Variants in PITPNM2 observed in about 807,000 individuals in gnomAD.
PITPNM2 encodes phosphatidylinositol transfer protein membrane associated 2, also known as membrane-associated phosphatidylinositol transfer protein 2.
In PITPNM2, 35 loss-of-function variants were observed where a neutral mutation model predicts 132.2. That is an observed-to-expected ratio of 0.26 (90% CI 0.20 to 0.35). PITPNM2 has a LOEUF of 0.35. Ranked by LOEUF, PITPNM2 falls within the 10% of genes least tolerant of loss-of-function variation. The pLI, the probability that PITPNM2 is intolerant of heterozygous loss-of-function variation, is 1.00. For missense variants in PITPNM2, 1,332 were observed against 1,912.0 expected (o/e 0.70, Z 5.66); for synonymous variants, 738 against 799.2 (o/e 0.92, Z 1.29).
chr12:123,145,290 A>C (rs571232068), intron 1 of PITPNM2, among the ~76,000 whole-genome samples: 1 of 152,106 alleles, frequency 6.6e-6, no homozygotes, highest in Non-Finnish European at 1.5e-5. Context: ...TCCACCCTAC[A>C]TTCATGTGCT....
Position 122,993,473 on chromosome 12 carries a change from T to G in PITPNM2, c.2234-804A>C, listed in dbSNP as rs1337524346. ...GCTATGCCTTCTGAACTTTGCCTTT[T>G]CCTCCCATTTAACACAAAAAATGTT... On this transcript the variant is annotated intron_variant, in intron 15 of 25. Coordinates refer to ENST00000320201, the MANE Select transcript of PITPNM2 (RefSeq NM_020845.3). This position sits in a 1 kb window ranked among gnomAD's most constrained non-coding sequence, Gnocchi z 5.2. 6.6e-6 allele frequency among the ~76,000 whole-genome samples: 1 copy of G among 152,250 alleles called. No individual in the cohort carries two copies. The highest frequency in any genetic ancestry group is 1.5e-5 in the Non-Finnish European group (1 of 68,046).
At chr12:123,124,027 G>A (rs967693147) in intron 1 of PITPNM2, among the ~76,000 whole-genome samples, 3 of 152,044 alleles carry the variant, frequency 2.0e-5, no homozygotes, top group South Asian at 2.1e-4. Context: ...AGGCCGACGC[G>A]GGCAGATCAT....
At chr12:123,128,445 TA>T (rs76741325) in intron 1 of PITPNM2, among the ~76,000 whole-genome samples, 872 of 71,558 alleles carry the variant, frequency 0.012, 3 homozygotes, top group Middle Eastern at 0.042. Flanking sequence ...CGTCTCAAGT[TA>T]AAAAAAAAAA....
chr12:122,986,535 G>T lies in PITPNM2; in HGVS notation c.3627C>A (p.Gly1209=). Reference sequence around the variant, plus strand: ...TGTACACCGCCACGTCCTTGGTGGAGCCATAGGCCGCGTGCACGCGCAGGT... The same window carrying T: ...TGTACACCGCCACGTCCTTGGTGGATCCATAGGCCGCGTGCACGCGCAGGT... ...ELHLRVHAAY[G]STKDVAVYSA... Residue 1209 remains glycine (G), a synonymous_variant, in exon 25 of 26, where the codon GGC becomes GGA. Coordinates refer to ENST00000320201, the MANE Select transcript of PITPNM2 (RefSeq NM_020845.3). 1 of 1,598,930 alleles carries T rather than the reference G, an allele frequency of 6.3e-7. No homozygotes were observed. The highest frequency in any genetic ancestry group is 1.3e-5 in the African/African-American group (1 of 74,828).
At position 123,008,296 on chromosome 12, in the gene PITPNM2, AGCT is replaced by A. The variant is rs2039027373; in HGVS notation, c.643+1551_643+1553del. Among the ~76,000 whole-genome samples, 1 of 152,186 alleles carries A rather than the reference AGCT, an allele frequency of 6.6e-6. No individual in the cohort carries two copies. The highest frequency in any genetic ancestry group is 2.4e-5 in the African/African-American group (1 of 41,434). On this transcript the variant is annotated intron_variant, in intron 6 of 25. Coordinates refer to ENST00000320201, the MANE Select transcript of PITPNM2 (RefSeq NM_020845.3). The surrounding 1 kb of genome is among the most constrained non-coding windows in gnomAD (Gnocchi z 4.1). Reference sequence around the variant, plus strand: ...AGACCCACAGAGCCAGAGTGCCAGGAGCTGCAGCCTTAGTAGGTCTGCTGGGTG... The same window carrying A: ...AGACCCACAGAGCCAGAGTGCCAGGAGCAGCCTTAGTAGGTCTGCTGGGTG...
In PITPNM2 at chr12:123,114,011, C is replaced by T. The variant is rs1252259176; in HGVS notation, c.-199-3523G>A. On this transcript the variant is annotated intron_variant, in intron 1 of 25. Transcript: ENST00000320201. ...TTTCTGAGGTTCACCAATGTTATAG[C>T]ATTTGTGTCGGTATTTCATTTCTTG... Among the ~76,000 whole-genome samples the T allele has an allele frequency of 7.9e-5, 12 of 152,188 alleles. No homozygotes were observed. In the East Asian group the frequency reaches 2.1e-3, roughly 27 times the overall value.
At chr12:123,139,462 C>T (rs71456786) in intron 1 of PITPNM2, among the ~76,000 whole-genome samples, 2,825 of 151,310 alleles carry the variant, frequency 0.019, 46 homozygotes, top group Middle Eastern at 0.031. Flanking sequence ...GATCGTGCCA[C>T]TGCACTCCAG....
rs2039314638 is a variant in PITPNM2, at chr12:123,013,968, G to A, written c.153C>T (p.Gly51=). ...GTGTGTACTGCCCAGAGCCGCCTGG[G>A]CCATCTGTGTACGGCCGGTTCTCCA... The part of the protein sequence containing the change: ...EILENRPYTD[G]PGGSGQYTHK... The change falls in exon 4 of 26, where the codon GGC becomes GGT. Residue 51 remains glycine, a synonymous_variant. Coordinates refer to ENST00000320201, the MANE Select transcript of PITPNM2 (RefSeq NM_020845.3). 3 of 1,614,160 alleles carry A rather than the reference G, an allele frequency of 1.9e-6. No homozygotes were observed. The highest frequency in any genetic ancestry group is 1.7e-5 in the Admixed American group (1 of 60,012).
chr12:123,093,403 T>C (rs2042321095), intron 2 of PITPNM2, among the ~76,000 whole-genome samples: 1 of 152,230 alleles, frequency 6.6e-6, no homozygotes, highest in African/African-American at 2.4e-5. Flanking sequence ...TTGTACACTT[T>C]CAATGGGTGA....
At chr12:123,118,171 T>C (rs868334825) in intron 1 of PITPNM2, among the ~76,000 whole-genome samples, 10 of 152,244 alleles carry the variant, frequency 6.6e-5, no homozygotes, top group South Asian at 4.1e-4. Context: ...ACCAAATTGA[T>C]ACTAATTGTC....
At chr12:123,125,864 G>GTTTTTTTTTTTTTTT (rs373787897) in intron 1 of PITPNM2, among the ~76,000 whole-genome samples, 3 of 64,844 alleles carry the variant, frequency 4.6e-5, no homozygotes, top group Non-Finnish European at 5.4e-5. Flanking sequence ...AAAAATTAGG[G>GTTTTTTTTTTTTTTT]TTTTTTTTTT....
In PITPNM2 at chr12:123,074,517, C is replaced by T. The variant is rs1463271539; in HGVS notation, c.-96+35868G>A. On this transcript the variant is annotated intron_variant, in intron 2 of 25. Transcript: ENST00000320201. The stretch of plus-strand genomic sequence containing the variant: ...ATATAAATACACACATGTCCATATG[C>T]ACACAACACACACTCACATATACAC... Among the ~76,000 whole-genome samples, 7 of 151,884 alleles carry T rather than the reference C, an allele frequency of 4.6e-5. No individual in the cohort carries two copies. The East Asian group carries it at 1.3e-3, about 29-fold the overall frequency.
At chr12:123,098,195 G>A (rs1235758552) in intron 2 of PITPNM2, among the ~76,000 whole-genome samples, 1 of 152,214 alleles carries the variant, frequency 6.6e-6, no homozygotes, top group Non-Finnish European at 1.5e-5. Flanking sequence ...TGTCCTCTGG[G>A]ATGAGCGCTG....
chr12:123,063,371 A>G, intron 2 of PITPNM2, among the ~76,000 whole-genome samples: 1 of 152,242 alleles, frequency 6.6e-6, no homozygotes, highest in East Asian at 1.9e-4. Context: ...CTTCACCTGC[A>G]AAGTCTGAGT....
At chr12:123,110,058 A>G (rs1423102871) in intron 2 of PITPNM2, among the ~76,000 whole-genome samples, 1 of 152,136 alleles carries the variant, frequency 6.6e-6, no homozygotes, top group Non-Finnish European at 1.5e-5. Context: ...CCTGGGCTCA[A>G]GTGATCGTCC....
At chr12:123,015,795 C>T (rs1397124948) in intron 3 of PITPNM2, among the ~76,000 whole-genome samples, 1 of 152,066 alleles carries the variant, frequency 6.6e-6, no homozygotes, top group East Asian at 1.9e-4. Context: ...TCAAAGAGCA[C>T]TATGAAGAGA....
At position 123,097,314 on chromosome 12, in the gene PITPNM2, A is replaced by C. The variant is rs2042436604; in HGVS notation, c.-96+13071T>G. 6.6e-6 allele frequency among the ~76,000 whole-genome samples: 1 copy of C among 152,150 alleles called. No individual in the cohort carries two copies. ...TGCCTTGGCCTCCCAAAGTGCTGGG[A>C]TTACAGGCATGAGCCACCGCGCCCG... On this transcript the variant is annotated intron_variant, in intron 2 of 25. Coordinates refer to ENST00000320201, the MANE Select transcript of PITPNM2 (RefSeq NM_020845.3). This position sits in a 1 kb window ranked among gnomAD's most constrained non-coding sequence, Gnocchi z 4.7.
chr12:123,027,718 CT>C (rs2039917096), intron 3 of PITPNM2, among the ~76,000 whole-genome samples: 2 of 152,202 alleles, frequency 1.3e-5, no homozygotes, highest in African/African-American at 4.8e-5. Context: ...CTGTATAGCA[CT>C]TTGGTGTTTC....
intron 1 of PITPNM2, among the ~76,000 whole-genome samples, chr12:123,138,990 T>A (rs1367550688): frequency 1.3e-5 from 2 of 151,652 alleles, no homozygotes; most frequent in Non-Finnish European, 2.9e-5. Flanking sequence ...ATTAGGCAAT[T>A]AGCCAGGCAC....
Sources: gnomAD v4.1 joint callset for allele counts (sites outside exome capture counted in the v4.1 genomes callset) on GRCh38, gnomAD v4.1.1 for gene constraint, Gnocchi (gnomAD v3.1) non-coding constraint, MANE v1.5 for transcripts, NCBI Gene and HGNC (gene_info 2026-07-23, HGNC 2026-07-21) for gene names.